The following TNFSF4 variants were observed in gnomAD, a reference collection of about 807,000 sequenced individuals.
TNFSF4 encodes the protein TNF superfamily member 4, also known as tumor necrosis factor ligand superfamily member 4.
In TNFSF4, 4 loss-of-function variants were observed where a neutral mutation model predicts 7.3. The ratio of observed to expected loss-of-function variants is 0.55; its 90% CI spans 0.27 to 1.25. The LOEUF is 1.25. Ranked by LOEUF, TNFSF4 falls within the 50% of genes most tolerant of loss-of-function variation. The pLI is 0.12. For synonymous variants in TNFSF4, 76 were observed against 83.7 expected (o/e 0.91, Z 0.50); for missense variants, 181 against 208.8 (o/e 0.87, Z 0.82).
At chr1:173,412,247 G>T in the TNFSF4 span, among the ~76,000 whole-genome samples, 1 of 152,086 alleles carries the variant, frequency 6.6e-6, no homozygotes, top group African/African-American at 2.4e-5. Flanking sequence ...GCAAAGCTCA[G>T]ACTCACCCTG....
the TNFSF4 span, among the ~76,000 whole-genome samples, chr1:173,427,406 G>A: frequency 6.6e-6 from 1 of 152,110 alleles, no homozygotes; most frequent in African/African-American, 2.4e-5. Context: ...CAATGCACGG[G>A]AGAGCCCGCC....
intron 1 of TNFSF4, among the ~76,000 whole-genome samples, chr1:173,206,732 G>A (rs1303324551): frequency 6.6e-6 from 1 of 152,140 alleles, no homozygotes; most frequent in Non-Finnish European, 1.5e-5. Context: ...AAGCTTCAAA[G>A]TGACAGCTTA....
chr1:173,349,241 G>C, the TNFSF4 span, among the ~76,000 whole-genome samples: 1 of 151,956 alleles, frequency 6.6e-6, no homozygotes, highest in Non-Finnish European at 1.5e-5. Context: ...CGTTAGCCAG[G>C]ATGGTCTCGA....
chr1:173,188,959 C>T (rs1649354388), intron 1 of TNFSF4, among the ~76,000 whole-genome samples: 1 of 152,124 alleles, frequency 6.6e-6, no homozygotes, highest in Admixed American at 6.5e-5. Flanking sequence ...CTCTTGACCT[C>T]AAGCAATCCT....
the TNFSF4 span, among the ~76,000 whole-genome samples, chr1:173,431,327 T>TA: frequency 6.6e-6 from 1 of 152,204 alleles, no homozygotes. Flanking sequence ...TGAAGGTCCT[T>TA]AAAGGTCTTT....
the TNFSF4 span, among the ~76,000 whole-genome samples, chr1:173,436,532 C>T: frequency 6.6e-6 from 1 of 152,170 alleles, no homozygotes; most frequent in African/African-American, 2.4e-5. Flanking sequence ...GCCTCAGCCT[C>T]CTGTGTAGCT....
the TNFSF4 span, chr1:173,351,718 A>C: frequency 7.0e-6 from 3 of 430,794 alleles, no homozygotes; most frequent in African/African-American, 2.0e-5. Flanking sequence ...CCTAACCGAA[A>C]GGATAATGAA....
intron 2 of TNFSF4, among the ~76,000 whole-genome samples, chr1:173,187,477 C>T (rs938953516): frequency 6.6e-6 from 1 of 152,202 alleles, no homozygotes; most frequent in Non-Finnish European, 1.5e-5. Flanking sequence ...AGGCATTGGA[C>T]CTATCCACAG....
the TNFSF4 span, among the ~76,000 whole-genome samples, chr1:173,338,520 G>T: frequency 6.6e-6 from 1 of 152,190 alleles, no homozygotes; most frequent in Admixed American, 6.5e-5. Flanking sequence ...CTCAGTTATA[G>T]CACCAGCTAG....
intron 1 of TNFSF4, among the ~76,000 whole-genome samples, chr1:173,197,523 A>G (rs1159936744): frequency 1.3e-5 from 2 of 152,224 alleles, no homozygotes; most frequent in Non-Finnish European, 2.9e-5. Context: ...AAAAGGAACA[A>G]GATCATGTCC....
At chr1:173,357,633 G>A in the TNFSF4 span, among the ~76,000 whole-genome samples, 3 of 152,084 alleles carry the variant, frequency 2.0e-5, no homozygotes, top group Non-Finnish European at 4.4e-5. Flanking sequence ...CTGGGTTCAA[G>A]CGATTCTCCT....
chr1:173,265,999 G>C, the TNFSF4 span, among the ~76,000 whole-genome samples: 1 of 152,062 alleles, frequency 6.6e-6, no homozygotes, highest in African/African-American at 2.4e-5. Context: ...AACCTGACTA[G>C]AATAATAATG....
chr1:173,365,605 A>G, the TNFSF4 span, among the ~76,000 whole-genome samples: 1 of 152,176 alleles, frequency 6.6e-6, no homozygotes, highest in African/African-American at 2.4e-5. Flanking sequence ...TTGTAGTAGC[A>G]TTTTGTGAGT....
At chr1:173,206,909 G>A (rs1466020103) in intron 1 of TNFSF4, 115 bp downstream of exon 1, 6 of 1,243,868 alleles carry the variant, frequency 4.8e-6, no homozygotes, top group Non-Finnish European at 3.3e-6. Flanking sequence ...GTGGGGAGAG[G>A]GAAAAAAAAC....
At chr1:173,225,175 T>A in the TNFSF4 span, among the ~76,000 whole-genome samples, 1 of 152,140 alleles carries the variant, frequency 6.6e-6, no homozygotes, top group Non-Finnish European at 1.5e-5. Flanking sequence ...TACTACTGGA[T>A]TAGTTTGAAT....
At chr1:173,182,031 T>C (rs1222754268), downstream of TNFSF4, among the ~76,000 whole-genome samples, 2 of 152,206 alleles carry the variant, frequency 1.3e-5, no homozygotes, top group Admixed American at 6.5e-5. Context: ...GGACTACTTC[T>C]TGGTGCTCCT....
the TNFSF4 span, among the ~76,000 whole-genome samples, chr1:173,288,297 G>T: frequency 6.6e-6 from 1 of 152,120 alleles, no homozygotes; most frequent in Non-Finnish European, 1.5e-5. Context: ...TATGCTGGGT[G>T]TGGTGGCATG....
the TNFSF4 span, among the ~76,000 whole-genome samples, chr1:173,283,176 T>C: frequency 1.3e-5 from 2 of 152,166 alleles, no homozygotes; most frequent in Non-Finnish European, 1.5e-5. Flanking sequence ...GGATACATAC[T>C]CTGAAGGACT....
At chr1:173,200,008 T>C (rs1476099763) in intron 1 of TNFSF4, among the ~76,000 whole-genome samples, 1 of 152,266 alleles carries the variant, frequency 6.6e-6, no homozygotes, top group Non-Finnish European at 1.5e-5. Context: ...TAAAGCTTTG[T>C]TGATTATGTT....
Sources: allele counts gnomAD v4.1 joint callset (sites outside exome capture counted in the v4.1 genomes callset), GRCh38; gene constraint gnomAD v4.1.1; transcripts MANE v1.5; gene names NCBI Gene and HGNC (gene_info 2026-07-23, HGNC 2026-07-21).